Variants in FBN3 observed in about 807,000 individuals in gnomAD.
FBN3 encodes fibrillin-3.
FBN3 carries 234 observed loss-of-function variants against 330.1 expected under a neutral mutation model. That is an observed-to-expected ratio of 0.71 (90% CI 0.64 to 0.79). The LOEUF (loss-of-function observed/expected upper bound fraction) is 0.79, where lower values mean the gene tolerates loss of function less well. Among genes scored for constraint, FBN3 ranks in the 30% least tolerant of loss-of-function variants. The pLI, the probability that FBN3 is intolerant of heterozygous loss-of-function variation, is 0.00. For synonymous variants in FBN3, 1,458 were observed against 1,517.3 expected (o/e 0.96, Z 0.91); for missense variants, 3,606 against 3,886.9 (o/e 0.93, Z 1.92).
intron 31 of FBN3, 81 bp from the exon 32 acceptor site, chr19:8,111,851 C>T: frequency 1.3e-6 from 2 of 1,562,906 alleles, no homozygotes; most frequent in South Asian, 2.3e-5. Context: ...CCCATCAACC[C>T]TCCAACCCTG....
At chr19:8,102,924 TG>T (rs747752179) in intron 39 of FBN3, 51 bp from the exon 40 acceptor site, 20 of 1,585,370 alleles carry the variant, frequency 1.3e-5, no homozygotes, top group Non-Finnish European at 1.7e-5. Context: ...CCTAAATCAG[TG>T]GAAGAGGGAG....
intron 41 of FBN3, among the ~76,000 whole-genome samples, chr19:8,100,453 TCAG>T (rs2082303700): frequency 1.3e-5 from 2 of 151,938 alleles, no homozygotes; most frequent in Non-Finnish European, 2.9e-5. Context: ...TTCTCATGCC[TCAG>T]CCTCCCGAGT....
rs2144698708 is a variant in FBN3, at chr19:8,091,529, AG to A, written c.5966del (p.Pro1989LeufsTer97). 2 of 1,614,168 alleles carry A rather than the reference AG, an allele frequency of 1.2e-6. No homozygotes were observed. The highest frequency in any genetic ancestry group is 1.7e-6 in the Non-Finnish European group (2 of 1,180,026). On this transcript the variant is annotated frameshift_variant, in exon 48 of 64. Coordinates refer to ENST00000600128, the MANE Select transcript of FBN3 (RefSeq NM_032447.5). LOFTEE classifies it high-confidence loss of function. ...LCLFGTCTNS[P>X]GSFQCLCPPG... ...GTGGGCAGAGGCACTGGAAGCTCCC[AG>A]GGCTGTTGGTACAGGTGCCAAAGAG...
chr19:8,117,178 C>A lies in FBN3; in HGVS notation c.3577G>T (p.Ala1193Ser), dbSNP rs147529451. The A allele has an allele frequency of 1.2e-6, 2 of 1,614,090 alleles. No individual in the cohort carries two copies. The highest frequency in any genetic ancestry group is 1.7e-6 in the Non-Finnish European group (2 of 1,179,978). Residue 1193 changes from alanine to serine, a missense_variant, in exon 28 of 64, where the codon GCA becomes TCA. Ala to Ser is a moderately conservative substitution (Grantham distance 99). Transcript: ENST00000600128. ...AGTTGTGCCCACCTACCTGCACATG[C>A]CCTTCCGTCGGGCATCAGCGAGTAG... ...QGYSLMPDGR[A>S]CADVDECEEN...
intron 50 of FBN3, 105 bp from the exon 51 acceptor site, chr19:8,089,775 GGCA>G: frequency 3.8e-6 from 6 of 1,563,474 alleles, no homozygotes; most frequent in Non-Finnish European, 5.2e-6. Context: ...GCCCCAGGCT[GGCA>G]GGGTCCAGGG....
Position 8,142,172 on chromosome 19 carries a change from GGC to G in FBN3, c.542-37_542-36del, listed in dbSNP as rs2083432924. ...AGACAGATGTGGGTACCTGGCTGAG[GGC>G]TGCCCCTGTCTGGAGATCTCTGCGT... On this transcript the variant is annotated intron_variant, in intron 6 of 63. Transcript: ENST00000600128. The G allele has an allele frequency of 1.8e-5, 28 of 1,549,984 alleles. 3 individuals are homozygous for G. In the Admixed American group the frequency reaches 2.3e-4, roughly 13 times the overall value.
rs376408692 is a variant in FBN3, at chr19:8,131,246, G to A, written c.2033C>T (p.Thr678Met). 148 of 1,610,460 alleles carry A rather than the reference G, an allele frequency of 9.2e-5. No individual in the cohort carries two copies. Among genetic ancestry groups the A allele is most frequent in the Middle Eastern group, 1.6e-4 (1 of 6,072 alleles). ...ALCSSGLGIT[T>M]DGRDINECAL... ...TGGGCTCCACTTACCTCGACCATCC[G>A]TGGTAATGCCAAGCCCACTGCTGCA... is the stretch of plus-strand genomic sequence containing the variant. The change falls in exon 16 of 64, where the codon ACG (threonine) becomes ATG (methionine). Residue 678 changes from threonine (T) to methionine (M), a missense_variant. By Grantham distance (81) the Thr-to-Met change is moderately conservative (BLOSUM62 -1). Transcript: ENST00000600128. This position sits in a 1 kb window ranked among gnomAD's most constrained non-coding sequence, Gnocchi z 4.5.
At chr19:8,097,076 C>T (rs2082226807) in intron 42 of FBN3, 70 bp from the exon 43 acceptor site, 1 of 1,572,348 alleles carries the variant, frequency 6.4e-7, no homozygotes, top group South Asian at 1.2e-5. Context: ...ACGTGAAACC[C>T]AGTCCACTGC....
chr19:8,122,438 C>T (rs1418123761), intron 24 of FBN3, among the ~76,000 whole-genome samples: 1 of 152,182 alleles, frequency 6.6e-6, no homozygotes, highest in Non-Finnish European at 1.5e-5. Flanking sequence ...ACAATCTTGG[C>T]TTACTGCAAC....
rs147039026 is a variant in FBN3, at chr19:8,118,980, C to G, written c.3254G>C (p.Gly1085Ala). The G allele has an allele frequency of 5.6e-6, 9 of 1,611,076 alleles. No individual in the cohort carries two copies. The African/African-American group carries it at 1.1e-4, about 19-fold the overall frequency. Residue 1085 changes from glycine (G) to alanine (A), a missense_variant, in exon 26 of 64, where the codon GGC becomes GCC. Gly to Ala is a moderately conservative substitution (Grantham distance 60). Transcript: ENST00000600128. ...GCTCCCATCCGTGTTGGTGCAAGTG[C>G]CTCCCCGGCAGAGCAGCGGGTCCCT... ...CARDPLLCRG[G>A]TCTNTDGSYK...
At chr19:8,103,065 G>A (rs1167084232) in intron 39 of FBN3, among the ~76,000 whole-genome samples, 192 bp from the exon 40 acceptor site, 1 of 151,410 alleles carries the variant, frequency 6.6e-6, no homozygotes, top group African/African-American at 2.4e-5. Flanking sequence ...TCAGGAGTTT[G>A]AGACCAGCCT....
chr19:8,126,776 C>A lies in FBN3; in HGVS notation c.2353G>T (p.Gly785Cys), dbSNP rs777977724. The change falls in exon 19 of 64, where the codon GGC (glycine) becomes TGC (cysteine). Residue 785 changes from glycine to cysteine, a missense_variant. Gly to Cys is a radical substitution (Grantham distance 159). Transcript: ENST00000600128. ...GGGCCACATTTGCAGGTGTAGGAGC[C>A]GGCCAGGTTCCGACAGACGCCACTC... ...CVSGVCRNLA[G>C]SYTCKCGPGS... 6.3e-7 allele frequency: 1 copy of A among 1,592,894 alleles called. No homozygotes were observed. Among genetic ancestry groups the A allele is most frequent in the East Asian group, 2.2e-5 (1 of 44,780 alleles).
intron 55 of FBN3, 87 bp downstream of exon 55, chr19:8,086,113 T>C (rs1223362462): frequency 3.1e-6 from 2 of 650,422 alleles, no homozygotes; most frequent in Non-Finnish European, 4.0e-6. Flanking sequence ...GGGCAGGCAG[T>C]GGGGGGAACA....
intron 63 of FBN3, among the ~76,000 whole-genome samples, chr19:8,068,539 T>C (rs1421801305): frequency 6.6e-6 from 1 of 151,368 alleles, no homozygotes; most frequent in Non-Finnish European, 1.5e-5. Flanking sequence ...CTACAAAAAA[T>C]ACAAAAATTA....
At chr19:8,067,123 C>CTTTTTT (rs997965759) in intron 63 of FBN3, among the ~76,000 whole-genome samples, 12 of 147,418 alleles carry the variant, frequency 8.1e-5, no homozygotes, top group East Asian at 4.1e-4. Context: ...GTTTCTTCTT[C>CTTTTTT]TTTTTCTTTT....
chr19:8,141,166 G>T (rs1197196745), intron 8 of FBN3, among the ~76,000 whole-genome samples: 4 of 132,768 alleles, frequency 3.0e-5, no homozygotes, highest in Non-Finnish European at 6.2e-5. Flanking sequence ...CTGCACTCCA[G>T]CCTGGGCGAC....
In FBN3 at chr19:8,142,072, G is replaced by C. The variant is rs1568458862; in HGVS notation, c.607C>G (p.Leu203Val). 1 of 1,613,840 alleles carries C rather than the reference G, an allele frequency of 6.2e-7. No homozygotes were observed. The highest frequency in any genetic ancestry group is 8.5e-7 in the Non-Finnish European group (1 of 1,179,906). Residue 203 changes from leucine (L) to valine (V), a missense_variant, in exon 7 of 64, where the codon CTC (leucine) becomes GTC (valine). By Grantham distance (32) the Leu-to-Val change is conservative. Coordinates refer to ENST00000600128, the MANE Select transcript of FBN3 (RefSeq NM_032447.5). ...PEGCQHQLTGLVCTKALCCAT... is the reference protein window; with the variant it reads ...PEGCQHQLTGVVCTKALCCAT... ...CAGCAAAGTGCCTTGGTGCACACGA[G>C]GCCCGTCAGCTGATGCTGGCACCCC...
chr19:8,111,638 C>CGAA lies in FBN3; in HGVS notation c.4084+9_4084+10insTTC. The CGAA allele has an allele frequency of 6.3e-7, 1 of 1,594,924 alleles. No individual in the cohort carries two copies. The highest frequency in any genetic ancestry group is 8.6e-7 in the Non-Finnish European group (1 of 1,167,402). ...CTAGGGCCCCTGCCCTCCCACCCCT[C>CGAA]TAATCTCACCTTCGCAGAAGAAGCC... On this transcript the variant is annotated intron_variant, in intron 32 of 63. Coordinates refer to ENST00000600128, the MANE Select transcript of FBN3 (RefSeq NM_032447.5).
intron 57 of FBN3, 75 bp from the exon 58 acceptor site, chr19:8,081,555 C>T: frequency 7.0e-7 from 1 of 1,437,178 alleles, no homozygotes; most frequent in East Asian, 2.4e-5. Context: ...ACTGAGGTCT[C>T]CACCAGACCC....
Sources: allele counts gnomAD v4.1 joint callset (sites outside exome capture counted in the v4.1 genomes callset), GRCh38; gene constraint gnomAD v4.1.1; non-coding constraint Gnocchi (gnomAD v3.1); transcripts MANE v1.5; gene names NCBI Gene and HGNC (gene_info 2026-07-23, HGNC 2026-07-21).